Variants in DOP1B observed in about 807,000 individuals in gnomAD.
The protein encoded by DOP1B is DOP1 leucine zipper like protein B.
In DOP1B, 174 loss-of-function variants were observed where a neutral mutation model predicts 233.5. The ratio of observed to expected loss-of-function variants is 0.75; its 90% CI spans 0.66 to 0.85. DOP1B has a LOEUF of 0.85. Among genes scored for constraint, DOP1B ranks in the 40% least tolerant of loss-of-function variants. The probability of loss-of-function intolerance (pLI) is 0.00; values close to 1 mark genes in which losing one functional copy is unlikely to be tolerated. For missense variants in DOP1B, 2,652 were observed against 2,846.6 expected (o/e 0.93, Z 1.56); for synonymous variants, 1,190 against 1,185.6 (o/e 1.00, Z -0.08).
At chr21:36,256,405 C>T (rs766153503) in intron 23 of DOP1B, among the ~76,000 whole-genome samples, 3 of 152,114 alleles carry the variant, frequency 2.0e-5, no homozygotes, top group Non-Finnish European at 4.4e-5. Flanking sequence ...TGAGCCACTG[C>T]ACTCCAGCCT....
intron 33 of DOP1B, 76 bp downstream of exon 33, chr21:36,288,226 T>C (rs2067512210): frequency 1.4e-6 from 2 of 1,393,482 alleles, no homozygotes; most frequent in African/African-American, 2.9e-5. Flanking sequence ...TAACGTACTA[T>C]TTCCTATGTA....
chr21:36,212,833 G>A (rs148875329), intron 7 of DOP1B, among the ~76,000 whole-genome samples: 3,589 of 152,284 alleles, frequency 0.024, 101 homozygotes, highest in African/African-American at 0.078. Flanking sequence ...CCAGACTGGA[G>A]TGCAGTGGTG....
chr21:36,289,901 G>A (rs899479858), intron 35 of DOP1B, among the ~76,000 whole-genome samples: 7 of 152,182 alleles, frequency 4.6e-5, no homozygotes, highest in Non-Finnish European at 1.0e-4. Context: ...GAGGGAGGCA[G>A]GGATGAATGG....
intron 31 of DOP1B, 33 bp from the exon 32 acceptor site, chr21:36,281,450 T>C: frequency 6.4e-7 from 1 of 1,553,408 alleles, no homozygotes; most frequent in Non-Finnish European, 8.8e-7. Context: ...TGTGGTTTTC[T>C]CACTAAGTAA....
rs760830554 is a variant in DOP1B at position 36,278,198 on chromosome 21, C to T, written c.5823-11C>T. ...TGACCTTGACCCTTCTCTCTTCCCA[C>T]TCCCACTCAGTGCCTACAATGCTCC... On this transcript the variant is annotated splice_polypyrimidine_tract_variant and intron_variant, in intron 29 of 36. Transcript: ENST00000691173. The T allele has an allele frequency of 2.0e-5, 32 of 1,613,686 alleles. No homozygotes were observed. The Admixed American group carries it at 3.8e-4, about 19-fold the overall frequency.
intron 20 of DOP1B, among the ~76,000 whole-genome samples, chr21:36,247,853 A>G (rs1037555837): frequency 1.3e-5 from 2 of 152,272 alleles, no homozygotes; most frequent in African/African-American, 4.8e-5. Context: ...ATGCAAATGC[A>G]TGTATATAAT....
rs780959203 is a variant in DOP1B at position 36,231,196 on chromosome 21, G to GT, written c.2350+63dup. On this transcript the variant is annotated intron_variant, in intron 14 of 36. Transcript: ENST00000691173. ...TCATACGATGAGGCGATTGACGTGG[G>GT]TGGAATATCCCCTATCCACAATGCT... The GT allele has an allele frequency of 5.9e-4, 898 of 1,517,236 alleles. 1 individual carries two copies. The highest frequency in any genetic ancestry group is 7.5e-4 in the Non-Finnish European group (845 of 1,129,080). The allele number at this position is 1,517,236 out of a possible 1,614,324, so 94.0% of individuals were successfully genotyped here. A position where few individuals can be genotyped will look rare whatever the true frequency, so the allele number is the denominator to read the frequency against.
intron 10 of DOP1B, among the ~76,000 whole-genome samples, chr21:36,221,264 A>G (rs1340842319): frequency 6.6e-6 from 1 of 152,018 alleles, no homozygotes; most frequent in Non-Finnish European, 1.5e-5. Context: ...AGGCCAAGGC[A>G]GGCGGATCAC....
In DOP1B at chr21:36,243,360, C is replaced by A. The variant is rs568143292; in HGVS notation, c.3068-1688C>A. Among the ~76,000 whole-genome samples, 130 of 150,120 alleles carry A rather than the reference C, an allele frequency of 8.7e-4. 1 individual carries two copies. The highest frequency in any genetic ancestry group is 2.8e-3 in the African/African-American group (115 of 40,634). On this transcript the variant is annotated intron_variant, in intron 18 of 36. Transcript: ENST00000691173. Reference sequence around the variant, plus strand: ...CTTTTGACTCACTAATTTTTTTTTCCTTTTCTTCTTTTTTTTTTTTTTTTA... The same window carrying A: ...CTTTTGACTCACTAATTTTTTTTTCATTTTCTTCTTTTTTTTTTTTTTTTA...
intron 2 of DOP1B, among the ~76,000 whole-genome samples, chr21:36,178,900 A>G (rs902691638): frequency 6.6e-6 from 1 of 152,226 alleles, no homozygotes; most frequent in African/African-American, 2.4e-5. Flanking sequence ...CCATCACCAC[A>G]ATCAAGACAA....
At chr21:36,247,140 A>T (rs566860093) in intron 19 of DOP1B, among the ~76,000 whole-genome samples, 47 of 152,256 alleles carry the variant, frequency 3.1e-4, no homozygotes, top group African/African-American at 9.1e-4. Context: ...TCGGCCTCCC[A>T]AAGTGCTGGG....
chr21:36,194,955 C>T (rs9977036), intron 2 of DOP1B, among the ~76,000 whole-genome samples: 21,475 of 152,040 alleles, frequency 0.14, 1,818 homozygotes, highest in South Asian at 0.21. Context: ...CCTGTAATCC[C>T]AGCACTTTGG....
chr21:36,160,724 C>A (rs1052947881), intron 1 of DOP1B, among the ~76,000 whole-genome samples: 8 of 152,168 alleles, frequency 5.3e-5, no homozygotes, highest in African/African-American at 1.9e-4. Flanking sequence ...GTGATCCACC[C>A]GCCTCGGCCT....
chr21:36,262,924 TA>T (rs1484798447), intron 24 of DOP1B, among the ~76,000 whole-genome samples: 5 of 137,352 alleles, frequency 3.6e-5, no homozygotes, highest in African/African-American at 1.4e-4. Flanking sequence ...AATAAATAAA[TA>T]AAATAAAATA....
chr21:36,233,519 G>C, intron 15 of DOP1B, among the ~76,000 whole-genome samples: 1 of 152,232 alleles, frequency 6.6e-6, no homozygotes, highest in East Asian at 1.9e-4. Flanking sequence ...ATGCACCAGA[G>C]TGGATAGTGA....
At chr21:36,224,837 G>A (rs1197068339) in intron 11 of DOP1B, among the ~76,000 whole-genome samples, 1 of 151,796 alleles carries the variant, frequency 6.6e-6, no homozygotes, top group Admixed American at 6.6e-5. Flanking sequence ...GGCAACTCAG[G>A]TGCTGATAAA....
At chr21:36,232,738 GC>G (rs2123553866) in intron 14 of DOP1B, 65 bp from the exon 15 acceptor site, 2 of 1,594,394 alleles carry the variant, frequency 1.3e-6, no homozygotes, top group South Asian at 2.3e-5. Flanking sequence ...TGTAGAATCT[GC>G]AGACTGGGGA....
intron 18 of DOP1B, among the ~76,000 whole-genome samples, chr21:36,242,825 C>G (rs1276667487): frequency 6.6e-6 from 1 of 152,180 alleles, no homozygotes; most frequent in Admixed American, 6.5e-5. Context: ...CTGCTATGCA[C>G]TTCAAGCAGC....
At chr21:36,205,821 A>G (rs1056458241) in intron 4 of DOP1B, among the ~76,000 whole-genome samples, 79 of 152,054 alleles carry the variant, frequency 5.2e-4, no homozygotes, top group Admixed American at 5.0e-3. Context: ...CTTGGCCAAC[A>G]TGGTGAAACC....
Sources: gnomAD v4.1 joint callset for allele counts (sites outside exome capture counted in the v4.1 genomes callset) on GRCh38, gnomAD v4.1.1 for gene constraint, MANE v1.5 for transcripts, NCBI Gene and HGNC (gene_info 2026-07-23, HGNC 2026-07-21) for gene names.